PCDH9: variants seen among roughly 807,000 people sequenced by gnomAD.
The protein encoded by PCDH9 is protocadherin 9.
Under a neutral mutation model 70.6 loss-of-function variants are expected in PCDH9, and 24 were observed. The ratio of observed to expected loss-of-function variants is 0.34; its 90% CI spans 0.25 to 0.48. The LOEUF (loss-of-function observed/expected upper bound fraction) is 0.48. Ranked by LOEUF, PCDH9 falls within the 20% of genes least tolerant of loss-of-function variation. The pLI, the probability that PCDH9 is intolerant of heterozygous loss-of-function variation, is 0.99. For missense variants in PCDH9, 1,281 were observed against 1,503.6 expected (o/e 0.85, Z 2.45); for synonymous variants, 562 against 558.5 (o/e 1.01, Z -0.09).
intron 3 of PCDH9, among the ~76,000 whole-genome samples, chr13:66,698,895 CTTTTTTTTTT>C (rs67333897): frequency 2.4e-3 from 145 of 61,158 alleles, no homozygotes; most frequent in African/African-American, 7.8e-3. Flanking sequence ...CTCAATTCCT[CTTTTTTTTTT>C]TTTTTTTTTT....
chr13:66,396,322 T>C (rs748622918), intron 4 of PCDH9, among the ~76,000 whole-genome samples: 8 of 152,178 alleles, frequency 5.3e-5, no homozygotes, highest in Non-Finnish European at 1.2e-4. Flanking sequence ...AAACGTAAAT[T>C]GCTCAAAGAC....
intron 2 of PCDH9, among the ~76,000 whole-genome samples, chr13:66,983,486 CAAATAT>C (rs140630201): frequency 0.031 from 4,696 of 151,878 alleles, 202 homozygotes; most frequent in Admixed American, 0.13. Flanking sequence ...TGTAATTAGC[CAAATAT>C]AAATAGTCTT....
intron 2 of PCDH9, among the ~76,000 whole-genome samples, chr13:67,019,503 G>T (rs2084632910): frequency 6.6e-6 from 1 of 151,400 alleles, no homozygotes; most frequent in African/African-American, 2.4e-5. Context: ...CCACGCAGTT[G>T]CTCTTAAACA....
At chr13:66,402,154 C>A (rs549377101) in intron 4 of PCDH9, among the ~76,000 whole-genome samples, 1 of 151,938 alleles carries the variant, frequency 6.6e-6, no homozygotes, top group Non-Finnish European at 1.5e-5. Flanking sequence ...GGAATTGATA[C>A]GTGATATTTG....
intron 2 of PCDH9, among the ~76,000 whole-genome samples, chr13:66,923,883 T>A (rs2082676740): frequency 6.6e-6 from 1 of 151,772 alleles, no homozygotes; most frequent in African/African-American, 2.4e-5. Context: ...TTTATGAAAA[T>A]GTCCATTTTC....
intron 2 of PCDH9, among the ~76,000 whole-genome samples, chr13:67,077,155 A>T (rs2085893593): frequency 6.6e-6 from 1 of 152,180 alleles, no homozygotes. Flanking sequence ...GTCTTAAAAA[A>T]TACCACTCCC....
rs1315455542 is a variant in PCDH9, at chr13:66,436,305, T to C, written c.3341-131277A>G. On this transcript the variant is annotated intron_variant, in intron 4 of 4. Coordinates refer to ENST00000377865, the MANE Select transcript of PCDH9 (RefSeq NM_203487.3). Reference sequence around the variant, plus strand: ...CCTTTTGTTTCTTTGCCATTCTACCTTCTGCCTTGTGAAGACACAGCAAGA... The same window carrying C: ...CCTTTTGTTTCTTTGCCATTCTACCCTCTGCCTTGTGAAGACACAGCAAGA... Among the ~76,000 whole-genome samples the C allele has an allele frequency of 1.3e-5, 2 of 152,134 alleles. 1 individual carries two copies. Among genetic ancestry groups the C allele is most frequent in the Non-Finnish European group, 2.9e-5 (2 of 68,030 alleles).
intron 3 of PCDH9, among the ~76,000 whole-genome samples, chr13:66,801,708 T>C (rs983163069): frequency 1.4e-4 from 22 of 152,090 alleles, no homozygotes; most frequent in South Asian, 4.1e-4. Flanking sequence ...TAACTATCAG[T>C]TTTTGGTTAT....
intron 2 of PCDH9, among the ~76,000 whole-genome samples, chr13:67,093,363 A>G (rs1161467954): frequency 1.3e-5 from 2 of 152,080 alleles, no homozygotes; most frequent in African/African-American, 4.8e-5. Context: ...CTGAGGCAGG[A>G]GAATCTCTTG....
intron 4 of PCDH9, among the ~76,000 whole-genome samples, chr13:66,507,637 G>A (rs1959248413): frequency 6.6e-6 from 1 of 152,138 alleles, no homozygotes; most frequent in Non-Finnish European, 1.5e-5. Context: ...ATTGCCAGTG[G>A]TAACTGGCAA....
chr13:66,731,139 G>T (rs546828121), intron 3 of PCDH9, among the ~76,000 whole-genome samples: 2 of 152,012 alleles, frequency 1.3e-5, no homozygotes, highest in Admixed American at 1.3e-4. Flanking sequence ...AGAGAATGAT[G>T]GGTTATTTCT....
intron 4 of PCDH9, among the ~76,000 whole-genome samples, chr13:66,445,737 ATT>A (rs1254988041): frequency 6.9e-6 from 1 of 145,840 alleles, no homozygotes; most frequent in African/African-American, 2.5e-5. Flanking sequence ...ACACATATAT[ATT>A]ATATATACAC....
chr13:66,780,479 G>C (rs961800397), intron 3 of PCDH9, among the ~76,000 whole-genome samples: 1 of 152,132 alleles, frequency 6.6e-6, no homozygotes, highest in Non-Finnish European at 1.5e-5. Context: ...GAAGCTACCT[G>C]TCTTAGAAAC....
chr13:66,439,404 T>C (rs1418622651), intron 4 of PCDH9, among the ~76,000 whole-genome samples: 5 of 152,194 alleles, frequency 3.3e-5, no homozygotes, highest in South Asian at 2.1e-4. Context: ...CTGTATTGTA[T>C]ACTGGACATT....
intron 2 of PCDH9, among the ~76,000 whole-genome samples, chr13:67,163,194 C>T (rs151179425): frequency 6.6e-6 from 1 of 152,006 alleles, no homozygotes; most frequent in East Asian, 1.9e-4. Flanking sequence ...CACCCAGCCC[C>T]GAAAAATAAA....
chr13:66,395,869 T>C (rs1373898186), intron 4 of PCDH9, among the ~76,000 whole-genome samples: 1 of 152,280 alleles, frequency 6.6e-6, no homozygotes, highest in South Asian at 2.1e-4. Flanking sequence ...ACTGAAGTTT[T>C]GTTGCATATT....
chr13:67,027,090 A>T (rs1213930989), intron 2 of PCDH9, among the ~76,000 whole-genome samples: 1 of 152,098 alleles, frequency 6.6e-6, no homozygotes, highest in African/African-American at 2.4e-5. Flanking sequence ...GAACCAAAAA[A>T]GAGCCCGCAT....
rs981354875 is a variant in PCDH9, at chr13:66,881,199, A to T, written c.3138+22305T>A. Among the ~76,000 whole-genome samples, 4 of 152,214 alleles carry T rather than the reference A, an allele frequency of 2.6e-5. No homozygotes were observed. The East Asian group carries it at 7.7e-4, about 29-fold the overall frequency. ...TGCAGTTTTGATTTATGAGTTAGGG[A>T]AGTGTTTTATATTAGTGTTAGTCCG... On this transcript the variant is annotated intron_variant, in intron 3 of 4. Transcript: ENST00000377865.
chr13:66,991,159 T>A (rs2083995183), intron 2 of PCDH9: 1 of 152,056 alleles, frequency 6.6e-6, no homozygotes. Context: ...CAACAGTGCA[T>A]AACTTATCTC....
Sources: allele counts gnomAD v4.1 joint callset (sites outside exome capture counted in the v4.1 genomes callset), GRCh38; gene constraint gnomAD v4.1.1; transcripts MANE v1.5; gene names NCBI Gene and HGNC (gene_info 2026-07-23, HGNC 2026-07-21).